Variants in DNAAF9 observed in about 807,000 individuals in gnomAD.
The protein encoded by DNAAF9 is shulin.
In DNAAF9, 90 loss-of-function variants were observed where a neutral mutation model predicts 167.0. The ratio of observed to expected loss-of-function variants is 0.54; its 90% confidence interval spans 0.45 to 0.64. The LOEUF (loss-of-function observed/expected upper bound fraction) is 0.64. Ranked by LOEUF, DNAAF9 falls within the 30% of genes least tolerant of loss-of-function variation. The probability of loss-of-function intolerance (pLI) is 0.00; values close to 1 mark genes in which losing one functional copy is unlikely to be tolerated. For missense variants in DNAAF9, 1,315 were observed against 1,442.2 expected (o/e 0.91, Z 1.43); for synonymous variants, 491 against 508.8 (o/e 0.96, Z 0.47).
chr20:3,365,423 G>A (rs914229057), intron 6 of DNAAF9, among the ~76,000 whole-genome samples: 2 of 150,152 alleles, frequency 1.3e-5, no homozygotes, highest in Non-Finnish European at 2.9e-5. Context: ...GAGGAGTCTC[G>A]CTCTGTTGCC....
intron 15 of DNAAF9, 35 bp from the exon 16 acceptor site, chr20:3,322,297 G>C (rs1172631980): frequency 1.3e-6 from 2 of 1,502,516 alleles, no homozygotes; most frequent in Non-Finnish European, 1.8e-6. Flanking sequence ...CTATGTTAAA[G>C]AGTTTTTAAG....
In DNAAF9 at chr20:3,344,997, G is replaced by A. The variant is rs1041185360; in HGVS notation, c.790-1266C>T. On this transcript the variant is annotated intron_variant, in intron 8 of 36. Transcript: ENST00000252032. Reference sequence around the variant, plus strand: ...AGTTAACAGTTTATTTACATTCTCCGGATATTTATCAATTGGAGTGTTTAT... The same window carrying A: ...AGTTAACAGTTTATTTACATTCTCCAGATATTTATCAATTGGAGTGTTTAT... 1.1e-4 allele frequency among the ~76,000 whole-genome samples: 17 copies of A among 152,142 alleles called. No individual in the cohort carries two copies. The South Asian group carries it at 2.3e-3, about 20-fold the overall frequency.
At position 3,348,519 on chromosome 20, in the gene DNAAF9, A is replaced by G. The variant is rs202239564; in HGVS notation, c.789+6T>C. ...ATTCTTCCTCTTTGACCCTTCCCTT[A>G]CATACCTCACCCGCCTGAGATTCTG... On this transcript the variant is annotated splice_donor_region_variant and intron_variant, in intron 8 of 36. Coordinates refer to ENST00000252032, the MANE Select transcript of DNAAF9 (RefSeq NM_001009984.3). The G allele has an allele frequency of 6.5e-7, 1 of 1,528,354 alleles. No individual in the cohort carries two copies. Among genetic ancestry groups the G allele is most frequent in the Non-Finnish European group, 9.0e-7 (1 of 1,114,032 alleles). The allele number at this position is 1,528,354 out of a possible 1,614,324, so 94.7% of individuals were successfully genotyped here. A position where few individuals can be genotyped will look rare whatever the true frequency, so the allele number is the denominator to read the frequency against.
chr20:3,354,926 C>T (rs1341780322), intron 7 of DNAAF9, among the ~76,000 whole-genome samples: 1 of 152,164 alleles, frequency 6.6e-6, no homozygotes, highest in African/African-American at 2.4e-5. Flanking sequence ...ACTGTTGCTG[C>T]TTCAGCTGCA....
rs140938837 is a variant in DNAAF9, at chr20:3,285,908, A to C, written c.2486+1724T>G. On this transcript the variant is annotated intron_variant, in intron 27 of 36. Transcript: ENST00000252032. Reference sequence around the variant, plus strand: ...AGTGGGAGTATTGCTTGAACTCGGGAGGTGGAGGTTGCAGTGAGCTGAGAT... The same window carrying C: ...AGTGGGAGTATTGCTTGAACTCGGGCGGTGGAGGTTGCAGTGAGCTGAGAT... Among the ~76,000 whole-genome samples, 44 of 151,488 alleles carry C rather than the reference A, an allele frequency of 2.9e-4. No individual in the cohort carries two copies. The East Asian group carries it at 7.0e-3, about 24-fold the overall frequency.
intron 1 of DNAAF9, among the ~76,000 whole-genome samples, chr20:3,393,425 C>G (rs957283401): frequency 6.6e-6 from 1 of 152,062 alleles, no homozygotes; most frequent in Non-Finnish European, 1.5e-5. Flanking sequence ...GGTGTGGAGA[C>G]TGCTTGAGCC....
Position 3,377,830 on chromosome 20 carries a change from C to T in DNAAF9, c.284-1528G>A, listed in dbSNP as rs6051811. Among the ~76,000 whole-genome samples the T allele has an allele frequency of 3.0e-4, 45 of 152,280 alleles. 2 individuals are homozygous for T. The highest frequency in any genetic ancestry group is 1.1e-3 in the African/African-American group (44 of 41,566). On this transcript the variant is annotated intron_variant, in intron 3 of 36. Transcript: ENST00000252032. ...AAAAGGAAGAGGACATAATGAGGCA[C>T]TGCCAACCTCCACTTCCTATCCTGG...
intron 1 of DNAAF9, among the ~76,000 whole-genome samples, chr20:3,405,390 T>C (rs1226949489): frequency 1.3e-5 from 2 of 152,240 alleles, no homozygotes; most frequent in East Asian, 1.9e-4. Context: ...AAGCCATATA[T>C]GGGTGACAGG....
At chr20:3,283,559 C>G (rs981121419) in intron 27 of DNAAF9, among the ~76,000 whole-genome samples, 4 of 152,316 alleles carry the variant, frequency 2.6e-5, no homozygotes, top group Admixed American at 2.6e-4. Flanking sequence ...GAGTGCCTGG[C>G]TGGGCCTGGA....
chr20:3,330,790 A>ATTTT, intron 11 of DNAAF9, 108 bp from the exon 12 acceptor site: 2 of 430,992 alleles, frequency 4.6e-6, no homozygotes, highest in South Asian at 4.3e-5. Flanking sequence ...CAAGAACTAC[A>ATTTT]CTTTTTTTTT....
intron 1 of DNAAF9, among the ~76,000 whole-genome samples, chr20:3,388,103 C>T (rs1335965564): frequency 1.3e-5 from 2 of 149,946 alleles, no homozygotes; most frequent in African/African-American, 2.4e-5. Context: ...GGGCAAAGAA[C>T]ATTTCTCTGA....
intron 2 of DNAAF9, 105 bp downstream of exon 2, chr20:3,382,322 C>A (rs1015735652): frequency 3.5e-5 from 29 of 838,894 alleles, no homozygotes; most frequent in Non-Finnish European, 5.4e-5. Context: ...AGGAGGACAC[C>A]AACTCACAGC....
chr20:3,319,784 T>C (rs2069581766), intron 16 of DNAAF9, among the ~76,000 whole-genome samples: 1 of 152,200 alleles, frequency 6.6e-6, no homozygotes, highest in South Asian at 2.1e-4. Flanking sequence ...TTCCATATTA[T>C]TATGATAATA....
chr20:3,296,269 C>A, intron 23 of DNAAF9: 3 of 408,916 alleles, frequency 7.3e-6, no homozygotes, highest in Non-Finnish European at 1.4e-5. Flanking sequence ...ACACTGGGCG[C>A]CCCCCAAGAC....
chr20:3,394,937 ATTTTCTT>A (rs1568647859), intron 1 of DNAAF9, among the ~76,000 whole-genome samples: 2 of 102,412 alleles, frequency 2.0e-5, no homozygotes, highest in African/African-American at 3.6e-5. Context: ...TTTACTGAAC[ATTTTCTT>A]TTTTCTTTTT....
intron 10 of DNAAF9, among the ~76,000 whole-genome samples, chr20:3,332,936 T>TGTGG (rs1274103488): frequency 1.8e-4 from 27 of 150,464 alleles, no homozygotes; most frequent in Admixed American, 9.3e-4. Flanking sequence ...TGTGTGTGTG[T>TGTGG]GGTTTAAACC....
chr20:3,311,611 G>A (rs1021518883), intron 20 of DNAAF9, among the ~76,000 whole-genome samples: 1 of 152,058 alleles, frequency 6.6e-6, no homozygotes, highest in Non-Finnish European at 1.5e-5. Flanking sequence ...TCATACAAAG[G>A]AATACTATAG....
At chr20:3,298,861 A>G (rs779808009) in intron 21 of DNAAF9, among the ~76,000 whole-genome samples, 6 of 151,594 alleles carry the variant, frequency 4.0e-5, no homozygotes, top group Non-Finnish European at 8.8e-5. Context: ...CAGTATCATA[A>G]AGATTTTCTC....
rs774347554 is a variant in DNAAF9 at position 3,252,622 on chromosome 20, G to A, written c.3484C>T (p.Gln1162Ter). ...EANREIEKYN[Q>*]ELEQQEYHDL... The stretch of plus-strand genomic sequence containing the variant: ...TGATACTCCTGCTGTTCCAGCTCCT[G>A]GTTATACTTCTCAATTTCCCGGTTG... The change falls in exon 37 of 37, where the codon CAG becomes TAG. Residue 1162 changes from glutamine (Q) to a stop codon, truncating the protein, a stop_gained. Coordinates refer to ENST00000252032, the MANE Select transcript of DNAAF9 (RefSeq NM_001009984.3). LOFTEE classifies it high-confidence loss of function. 2 of 1,613,106 alleles carry A rather than the reference G, an allele frequency of 1.2e-6. No individual in the cohort carries two copies. The highest frequency in any genetic ancestry group is 1.1e-5 in the South Asian group (1 of 91,064).
Sources: allele counts gnomAD v4.1 joint callset (sites outside exome capture counted in the v4.1 genomes callset), GRCh38; gene constraint gnomAD v4.1.1; transcripts MANE v1.5; gene names NCBI Gene and HGNC (gene_info 2026-07-23, HGNC 2026-07-21).